TBXAS1: variants seen among roughly 807,000 people sequenced by gnomAD.
TBXAS1 encodes the protein thromboxane A synthase 1.
Under a neutral mutation model 60.7 loss-of-function variants are expected in TBXAS1, and 48 were observed. The ratio of observed to expected loss-of-function variants is 0.79; its 90% CI spans 0.63 to 1.01. The LOEUF (loss-of-function observed/expected upper bound fraction) is 1.01, where lower values mean the gene tolerates loss of function less well. Ranked by LOEUF, TBXAS1 falls within the 50% of genes least tolerant of loss-of-function variation. TBXAS1 has a pLI of 0.00. For synonymous variants in TBXAS1, 287 were observed against 269.7 expected (o/e 1.06, Z -0.63); for missense variants, 685 against 686.3 (o/e 1.00, Z 0.02).
chr7:139,803,558 A>T (rs919382204), intron 4 of TBXAS1, among the ~76,000 whole-genome samples: 2 of 152,178 alleles, frequency 1.3e-5, no homozygotes, highest in African/African-American at 4.8e-5. Flanking sequence ...CACCAAGACA[A>T]TGGGGAAAAT....
intron 3 of TBXAS1, chr7:139,906,082 T>C (rs76579090): frequency 2.4e-6 from 1 of 414,420 alleles, no homozygotes; most frequent in South Asian, 1.7e-5. Flanking sequence ...TTTTTTTTTT[T>C]TCTCACTCTG....
At chr7:139,796,104 A>T (rs2116336273) in intron 4 of TBXAS1, among the ~76,000 whole-genome samples, 1 of 152,288 alleles carries the variant, frequency 6.6e-6, no homozygotes, top group Admixed American at 6.5e-5. Flanking sequence ...CAAACCATAT[A>T]CTTCACTGCC....
intron 3 of TBXAS1, among the ~76,000 whole-genome samples, chr7:139,892,371 T>A (rs974120123): frequency 6.6e-6 from 1 of 152,204 alleles, no homozygotes; most frequent in Admixed American, 6.5e-5. Flanking sequence ...GGCGGGTGGA[T>A]CATGAGGTCA....
chr7:139,991,774 G>A (rs1812926963), intron 9 of TBXAS1, among the ~76,000 whole-genome samples: 1 of 152,188 alleles, frequency 6.6e-6, no homozygotes, highest in African/African-American at 2.4e-5. Context: ...CCCCATAGCA[G>A]AGATAAGAAA....
At chr7:139,820,611 C>T (rs1413321119) in intron 4 of TBXAS1, among the ~76,000 whole-genome samples, 1 of 152,136 alleles carries the variant, frequency 6.6e-6, no homozygotes, top group Non-Finnish European at 1.5e-5. Context: ...AGTCACCCCA[C>T]TTCATAAAGC....
chr7:139,898,528 T>C lies in TBXAS1; in HGVS notation c.237-12697T>C, dbSNP rs1804300214. Among the ~76,000 whole-genome samples, 4 of 148,290 alleles carry C rather than the reference T, an allele frequency of 2.7e-5. No individual in the cohort carries two copies. The South Asian group carries it at 8.7e-4, about 32-fold the overall frequency. On this transcript the variant is annotated intron_variant, in intron 3 of 12. Coordinates refer to ENST00000448866, the MANE Select transcript of TBXAS1 (RefSeq NM_001061.7). The stretch of plus-strand genomic sequence containing the variant: ...TTTTAGTAGAGACGGGGTTTCGCCA[T>C]GTTGGCCAGGCTGGTCTCAAAATCC...
intron 4 of TBXAS1, among the ~76,000 whole-genome samples, chr7:139,796,010 CAT>C (rs1483740999): frequency 1.3e-5 from 2 of 152,180 alleles, no homozygotes; most frequent in Non-Finnish European, 2.9e-5. Context: ...ACCCTGGACA[CAT>C]ATACACAAAA....
intron 9 of TBXAS1, among the ~76,000 whole-genome samples, chr7:139,984,084 G>A (rs986094275): frequency 4.6e-5 from 7 of 152,086 alleles, no homozygotes; most frequent in Admixed American, 6.5e-5. Context: ...ATGGACGTTG[G>A]GCCCACCTCC....
chr7:139,923,742 C>T (rs1175955785), intron 4 of TBXAS1, among the ~76,000 whole-genome samples: 3 of 151,952 alleles, frequency 2.0e-5, no homozygotes, highest in African/African-American at 7.3e-5. Context: ...GTCTTATTCA[C>T]TTTTTCTATT....
upstream of TBXAS1, among the ~76,000 whole-genome samples, chr7:139,825,244 G>A (rs1263498424): frequency 6.6e-6 from 1 of 152,076 alleles, no homozygotes; most frequent in Non-Finnish European, 1.5e-5. Context: ...CCTGATCAGT[G>A]TCCCTGTATT....
chr7:139,865,843 A>AGGGAG (rs1801367671), intron 1 of TBXAS1, among the ~76,000 whole-genome samples: 2 of 93,204 alleles, frequency 2.1e-5, no homozygotes, highest in African/African-American at 9.1e-5. Flanking sequence ...GGGGAAAGGA[A>AGGGAG]GAAGGAAGGA....
At chr7:139,826,023 A>C (rs774854297), upstream of TBXAS1, among the ~76,000 whole-genome samples, 1 of 151,758 alleles carries the variant, frequency 6.6e-6, no homozygotes, top group African/African-American at 2.4e-5. Flanking sequence ...CCTTTAAGAT[A>C]TTTTTTTTCT....
chr7:139,943,417 T>C (rs917702838), intron 5 of TBXAS1, among the ~76,000 whole-genome samples: 2 of 152,250 alleles, frequency 1.3e-5, no homozygotes, highest in Non-Finnish European at 2.9e-5. Flanking sequence ...CTGGTTTAAA[T>C]GTTCCTTTTG....
At chr7:139,867,321 C>T (rs779617680) in intron 1 of TBXAS1, among the ~76,000 whole-genome samples, 5 of 152,138 alleles carry the variant, frequency 3.3e-5, no homozygotes, top group Non-Finnish European at 7.3e-5. Context: ...ATGTAATGAC[C>T]GAGCGGAGGG....
chr7:139,921,676 C>T (rs950451258), intron 4 of TBXAS1, among the ~76,000 whole-genome samples: 1 of 152,202 alleles, frequency 6.6e-6, no homozygotes, highest in African/African-American at 2.4e-5. Context: ...GCACTGCAGC[C>T]TGGGGACAGA....
At chr7:139,990,194 C>T (rs1812783090) in intron 9 of TBXAS1, among the ~76,000 whole-genome samples, 1 of 152,242 alleles carries the variant, frequency 6.6e-6, no homozygotes, top group Non-Finnish European at 1.5e-5. Flanking sequence ...ATACCCACAC[C>T]TCCCTGCCCC....
At chr7:139,929,841 T>C (rs1406577158) in intron 4 of TBXAS1, among the ~76,000 whole-genome samples, 1 of 152,208 alleles carries the variant, frequency 6.6e-6, no homozygotes, top group African/African-American at 2.4e-5. Context: ...TCCTGGCCAC[T>C]GTGCTTCCTC....
intron 10 of TBXAS1, among the ~76,000 whole-genome samples, chr7:140,014,425 G>C (rs1814858067): frequency 6.6e-6 from 1 of 152,196 alleles, no homozygotes; most frequent in African/African-American, 2.4e-5. Context: ...GGCTGAGGTA[G>C]GAGGCTTAGG....
chr7:139,894,112 A>G (rs1359662386), intron 3 of TBXAS1, among the ~76,000 whole-genome samples: 1 of 152,184 alleles, frequency 6.6e-6, no homozygotes, highest in East Asian at 1.9e-4. Context: ...CTTGAGAGGT[A>G]GAGCACAGCT....
Sources: allele counts gnomAD v4.1 joint callset (sites outside exome capture counted in the v4.1 genomes callset), GRCh38; gene constraint gnomAD v4.1.1; transcripts MANE v1.5; gene names NCBI Gene and HGNC (gene_info 2026-07-23, HGNC 2026-07-21).